The following RACGAP1 variants were observed in gnomAD, a reference collection of about 807,000 sequenced individuals.
RACGAP1 encodes the protein Rac GTPase activating protein 1.
RACGAP1 carries 30 observed loss-of-function variants against 78.1 expected under a neutral mutation model. The ratio of observed to expected loss-of-function variants is 0.38; its 90% CI spans 0.29 to 0.52. RACGAP1 has a LOEUF of 0.52. RACGAP1 is among the 20% of genes least tolerant of loss of function. The probability of loss-of-function intolerance (pLI) is 0.82; values close to 1 mark genes in which losing one functional copy is unlikely to be tolerated. For missense variants in RACGAP1, 587 were observed against 777.1 expected (o/e 0.76, Z 2.91); for synonymous variants, 231 against 264.8 (o/e 0.87, Z 1.24).
rs769367567 is a variant in RACGAP1 at position 49,999,190 on chromosome 12, G to A, written c.830C>T (p.Thr277Met). 43 of 1,613,848 alleles carry A rather than the reference G, an allele frequency of 2.7e-5. No homozygotes were observed. The East Asian group carries it at 7.4e-4, about 28-fold the overall frequency. The change falls in exon 9 of 17, where the codon ACG becomes ATG. Residue 277 changes from threonine (T) to methionine (M), a missense_variant. Transcript: ENST00000312377. ...EPRTETDSVG[T>M]PQSNGGMRLH... is the part of the protein sequence containing the mutation. The stretch of plus-strand genomic sequence containing the variant: ...GCGCATCCCTCCATTACTCTGTGGC[G>A]TGCCCACACTGTCTGTCTCAGTTCT...
In RACGAP1 at chr12:50,031,830, C is replaced by T. The variant is rs938029983; in HGVS notation, c.-157G>A. Reference sequence around the variant, plus strand: ...CCTGGTTCTTCCAGTCACTGTTACACGGCCTTTCACAGGTCAGCTGTGGCT... The same window carrying T: ...CCTGGTTCTTCCAGTCACTGTTACATGGCCTTTCACAGGTCAGCTGTGGCT... On this transcript the variant is annotated 5_prime_UTR_variant, in exon 2 of 4. Coordinates refer to the RACGAP1 transcript ENST00000548247. The T allele has an allele frequency of 2.5e-5, 21 of 825,758 alleles. No individual in the cohort carries two copies. In the Admixed American group the frequency reaches 6.2e-4, roughly 24 times the overall value. 51.2% of individuals were successfully genotyped at this position (825,758 alleles called of 1,614,324 possible). A position where few individuals can be genotyped will look rare whatever the true frequency, so the allele number is the denominator to read the frequency against.
chr12:49,993,698 G>A (rs186945935), intron 12 of RACGAP1, among the ~76,000 whole-genome samples: 25 of 147,484 alleles, frequency 1.7e-4, no homozygotes, highest in African/African-American at 5.0e-4. Flanking sequence ...GCAGTGAGCC[G>A]ATAGCGCCAC....
intron 10 of RACGAP1, among the ~76,000 whole-genome samples, chr12:49,996,290 G>C (rs919699684): frequency 6.6e-6 from 1 of 151,296 alleles, no homozygotes; most frequent in African/African-American, 2.4e-5. Flanking sequence ...ATCCAGCCTG[G>C]ACAACAGGGA....
chr12:49,995,427 T>C (rs1948195277), intron 10 of RACGAP1, among the ~76,000 whole-genome samples: 1 of 151,894 alleles, frequency 6.6e-6, no homozygotes, highest in South Asian at 2.1e-4. Flanking sequence ...GGGAAAATAA[T>C]ATTTGATTTG....
intron 10 of RACGAP1, among the ~76,000 whole-genome samples, chr12:49,996,087 G>A (rs774130369): frequency 4.6e-5 from 7 of 152,072 alleles, no homozygotes; most frequent in Non-Finnish European, 7.4e-5. Flanking sequence ...CGAGGCAGGC[G>A]GATCACTTGA....
intron 2 of RACGAP1, among the ~76,000 whole-genome samples, chr12:50,009,979 C>A (rs529527926): frequency 3.3e-5 from 5 of 152,300 alleles, no homozygotes; most frequent in Admixed American, 3.3e-4. Flanking sequence ...AGAAAAAAAT[C>A]CTGTCTCTGA....
rs370798234 is a variant in RACGAP1 at position 50,016,615 on chromosome 12, G to C, written c.85+16C>G. 1.2e-6 allele frequency: 2 copies of C among 1,608,288 alleles called. No individual in the cohort carries two copies. Among genetic ancestry groups the C allele is most frequent in the African/African-American group, 2.7e-5 (2 of 74,804 alleles). On this transcript the variant is annotated intron_variant, in intron 2 of 16. Coordinates refer to ENST00000312377, the MANE Select transcript of RACGAP1 (RefSeq NM_001319999.2). Reference sequence around the variant, plus strand: ...ATCTGTTTTTCCTTTGGACAGGCCAGCTCAGAATGACTTACGGACTTCATT... The same window carrying C: ...ATCTGTTTTTCCTTTGGACAGGCCACCTCAGAATGACTTACGGACTTCATT...
At chr12:49,994,023 G>A (rs921224994) in intron 12 of RACGAP1, 108 bp downstream of exon 12, 84 of 1,109,598 alleles carry the variant, frequency 7.6e-5, no homozygotes, top group Middle Eastern at 3.1e-4. Flanking sequence ...CAGCCTGGGC[G>A]AGAGTGAGAC....
At position 50,001,256 on chromosome 12, in the gene RACGAP1, G is replaced by C; in HGVS notation, c.550-4C>G. 8 of 1,601,388 alleles carry C rather than the reference G, an allele frequency of 5.0e-6. No homozygotes were observed. The highest frequency in any genetic ancestry group is 6.0e-6 in the Non-Finnish European group (7 of 1,168,810). On this transcript the variant is annotated splice_region_variant and splice_polypyrimidine_tract_variant and intron_variant, in intron 6 of 16. Transcript: ENST00000312377. ...CAAACTGTCGGCTAGTAGAGCGCTA[G>C]AAAGGAGACAAAGACCCGTAACTTT... is the stretch of plus-strand genomic sequence containing the variant.
At chr12:50,024,194 C>T (rs562900819) in intron 1 of RACGAP1, among the ~76,000 whole-genome samples, 1 of 151,820 alleles carries the variant, frequency 6.6e-6, no homozygotes, top group African/African-American at 2.4e-5. Context: ...ATCAAAAAGA[C>T]CCCTGCATTG....
At chr12:50,001,137 A>G in intron 7 of RACGAP1, 35 bp downstream of exon 7, 1 of 1,482,952 alleles carries the variant, frequency 6.7e-7, no homozygotes, top group Non-Finnish European at 9.4e-7. Flanking sequence ...GCTTGGGGCC[A>G]GTAATCTCTG....
At chr12:49,998,639 C>A (rs1256569857) in intron 9 of RACGAP1, among the ~76,000 whole-genome samples, 2 of 152,132 alleles carry the variant, frequency 1.3e-5, no homozygotes, top group Non-Finnish European at 2.9e-5. Flanking sequence ...GTAGCTCATG[C>A]CTGTAATCCC....
intron 1 of RACGAP1, among the ~76,000 whole-genome samples, chr12:50,020,845 T>G (rs1949969713): frequency 6.6e-6 from 1 of 152,218 alleles, no homozygotes; most frequent in African/African-American, 2.4e-5. Context: ...AGAGTTATTT[T>G]TTCCTCTAAC....
At chr12:50,012,918 C>T (rs1949440757) in intron 2 of RACGAP1, among the ~76,000 whole-genome samples, 1 of 151,860 alleles carries the variant, frequency 6.6e-6, no homozygotes, top group South Asian at 2.1e-4. Flanking sequence ...ACAAAATTAG[C>T]CAGGTGTGGT....
chr12:50,008,171 A>G (rs1215142114), intron 2 of RACGAP1, among the ~76,000 whole-genome samples: 9 of 98,848 alleles, frequency 9.1e-5, no homozygotes, highest in Non-Finnish European at 1.7e-4. Context: ...AGAAATGTGA[A>G]AAAAAAAAAA....
chr12:50,011,290 C>T (rs1278580414), intron 2 of RACGAP1, among the ~76,000 whole-genome samples: 4 of 142,116 alleles, frequency 2.8e-5, no homozygotes, highest in African/African-American at 1.1e-4. Context: ...GCTGAGATCA[C>T]ACAACTGCAC....
In RACGAP1 at chr12:50,005,285, T is replaced by C; in HGVS notation, c.396A>G (p.Gln132=). ...TGTTCCCAGCATTGCTGCTGGATGG[T>C]TGGCCTCTGTTGAGAAAAGCCAGAG... The part of the protein sequence containing the change: ...KSALAFLNRG[Q]PSSSNAGNKR... The change falls in exon 4 of 17, where the codon CAA becomes CAG. Residue 132 remains glutamine (Q), a synonymous_variant. Transcript: ENST00000312377. 2 of 1,614,212 alleles carry C rather than the reference T, an allele frequency of 1.2e-6. No individual in the cohort carries two copies. Among genetic ancestry groups the C allele is most frequent in the East Asian group, 2.2e-5 (1 of 44,890 alleles).
At chr12:49,995,978 C>A (rs1232079537) in intron 10 of RACGAP1, among the ~76,000 whole-genome samples, 1 of 152,056 alleles carries the variant, frequency 6.6e-6, no homozygotes, top group Admixed American at 6.6e-5. Context: ...ATTCATTGGA[C>A]AGAGTCAGGA....
At chr12:50,031,495 A>AT (rs1950334937) in intron 2 of RACGAP1, among the ~76,000 whole-genome samples, 1 of 147,326 alleles carries the variant, frequency 6.8e-6, no homozygotes, top group Admixed American at 6.7e-5. Flanking sequence ...AAAAAAAAAA[A>AT]AAAAAGACCA....
Sources: allele counts gnomAD v4.1 joint callset (sites outside exome capture counted in the v4.1 genomes callset), GRCh38; gene constraint gnomAD v4.1.1; transcripts MANE v1.5; gene names NCBI Gene and HGNC (gene_info 2026-07-23, HGNC 2026-07-21).